PALLD: variants seen among roughly 807,000 people sequenced by gnomAD.
PALLD encodes palladin, cytoskeletal associated protein, also known as palladin.
In PALLD, 61 loss-of-function variants were observed where a neutral mutation model predicts 123.5. The ratio of observed to expected loss-of-function variants is 0.49; its 90% CI spans 0.40 to 0.61. The LOEUF is 0.61. Ranked by LOEUF, PALLD falls within the 20% of genes least tolerant of loss-of-function variation. The pLI is 0.00. For missense variants in PALLD, 1,273 were observed against 1,377.0 expected, an observed-to-expected ratio of 0.92 and a Z score of 1.20; for synonymous variants, 465 against 496.4, an observed-to-expected ratio of 0.94 and a Z score of 0.84.
In PALLD at chr4:168,878,361, A is replaced by G. The variant is rs751875878; in HGVS notation, c.1965-12561A>G. 1 of 1,518,182 alleles carries G rather than the reference A, an allele frequency of 6.6e-7. No homozygotes were observed. The highest frequency in any genetic ancestry group is 8.8e-7 in the Non-Finnish European group (1 of 1,139,660). 94.0% of individuals were successfully genotyped at this position (1,518,182 alleles called of 1,614,324 possible). ...TCGCAGCCGCCGCCGGCGGCCGTCA[A>G]CGCCCTGGGGCTGCCCAAGGGTGTC... is the stretch of plus-strand genomic sequence containing the variant. On this transcript the variant is annotated intron_variant, in intron 10 of 21. Transcript: ENST00000505667.
In PALLD at chr4:168,773,780, C is replaced by A. The variant is rs143593110; in HGVS notation, c.1964+61857C>A. Among the ~76,000 whole-genome samples the A allele has an allele frequency of 5.1e-3, 782 of 152,254 alleles. 8 individuals carry two copies. The highest frequency in any genetic ancestry group is 0.018 in the African/African-American group (743 of 41,516). On this transcript the variant is annotated intron_variant, in intron 10 of 21. Coordinates refer to ENST00000505667, the MANE Select transcript of PALLD (RefSeq NM_001166108.2). ...ATCTGCTGAGCCCCACCCGGCCTCCCCACCCACCTCGCCGCCTGTTCTCTC... is the reference window on the plus strand; with the variant it reads ...ATCTGCTGAGCCCCACCCGGCCTCCACACCCACCTCGCCGCCTGTTCTCTC...
At chr4:168,596,384 G>A (rs552745876) in intron 2 of PALLD, among the ~76,000 whole-genome samples, 4 of 152,256 alleles carry the variant, frequency 2.6e-5, no homozygotes, top group Admixed American at 2.6e-4. Flanking sequence ...GGGCCTTAAA[G>A]GACAGAAGTA....
chr4:168,604,782 C>T (rs1773005295), intron 2 of PALLD, among the ~76,000 whole-genome samples: 1 of 152,184 alleles, frequency 6.6e-6, no homozygotes, highest in South Asian at 2.1e-4. Flanking sequence ...CGACACAGAC[C>T]TAATGAGCTT....
intron 8 of PALLD, 34 bp from the exon 9 acceptor site, chr4:168,708,994 C>G (rs1228263900): frequency 2.7e-5 from 43 of 1,609,322 alleles, no homozygotes; most frequent in Non-Finnish European, 3.4e-5. Flanking sequence ...CATGGTTCAA[C>G]TCTGATGAAT....
intron 10 of PALLD, among the ~76,000 whole-genome samples, chr4:168,779,399 G>A (rs1033825625): frequency 2.6e-5 from 4 of 152,008 alleles, no homozygotes; most frequent in East Asian, 1.9e-4. Flanking sequence ...TAAGGATGCT[G>A]GGGAGAAAAC....
At chr4:168,669,673 T>G (rs1235754775) in intron 3 of PALLD, among the ~76,000 whole-genome samples, 1 of 152,168 alleles carries the variant, frequency 6.6e-6, no homozygotes, top group Non-Finnish European at 1.5e-5. Flanking sequence ...TTACTTTCAG[T>G]GAAAGGATCC....
At chr4:168,891,683 A>T (rs1581936227) in intron 11 of PALLD, among the ~76,000 whole-genome samples, 1 of 17,274 alleles carries the variant, frequency 5.8e-5, no homozygotes, top group Non-Finnish European at 2.7e-4. Flanking sequence ...CAATGGTATT[A>T]AAAAAAAAAA....
chr4:168,598,992 G>T (rs1772272204), intron 2 of PALLD, among the ~76,000 whole-genome samples: 1 of 152,040 alleles, frequency 6.6e-6, no homozygotes, highest in Non-Finnish European at 1.5e-5. Flanking sequence ...AACATCAAGG[G>T]TCTGTAATTC....
Position 168,567,639 on chromosome 4 carries a change from C to G in PALLD, c.908+55227C>G, listed in dbSNP as rs139523957. 2.7e-3 allele frequency among the ~76,000 whole-genome samples: 410 copies of G among 150,258 alleles called. 3 individuals are homozygous for G. The highest frequency in any genetic ancestry group is 4.9e-3 in the Non-Finnish European group (333 of 67,618). ...CACACATGTACACCATGGAATACTACTCAGCCATAAAAAAGAATGAAACTG... is the reference window on the plus strand; with the variant it reads ...CACACATGTACACCATGGAATACTAGTCAGCCATAAAAAAGAATGAAACTG... On this transcript the variant is annotated intron_variant, in intron 2 of 21. Coordinates refer to ENST00000505667, the MANE Select transcript of PALLD (RefSeq NM_001166108.2).
At chr4:168,681,659 T>G (rs1411157288) in intron 4 of PALLD, among the ~76,000 whole-genome samples, 1 of 150,712 alleles carries the variant, frequency 6.6e-6, no homozygotes, top group Non-Finnish European at 1.5e-5. Flanking sequence ...GTCCTCCTAC[T>G]TTAGCCTCCC....
At chr4:168,648,936 T>A (rs1777761260) in intron 2 of PALLD, 1 of 152,248 alleles carries the variant, frequency 6.6e-6, no homozygotes, top group South Asian at 2.1e-4. Flanking sequence ...AGTTTCCATT[T>A]TGTTTCATAA....
At chr4:168,542,261 C>T (rs1323782299) in intron 2 of PALLD, among the ~76,000 whole-genome samples, 1 of 151,956 alleles carries the variant, frequency 6.6e-6, no homozygotes, top group Non-Finnish European at 1.5e-5. Flanking sequence ...ACTAAAACCG[C>T]CACTCATGGC....
chr4:168,771,856 C>A (rs1734498712), intron 10 of PALLD, among the ~76,000 whole-genome samples: 1 of 152,164 alleles, frequency 6.6e-6, no homozygotes, highest in African/African-American at 2.4e-5. Context: ...CTAGGGAGGG[C>A]AGCAGCGGCA....
Position 168,926,567 on chromosome 4 carries a change from A to G in PALLD, c.*387A>G. ...CTTAGTTTAAGTAGATAATGCTAAT[A>G]CAAATATACACATTGCACAGAAAAT... On this transcript the variant is annotated 3_prime_UTR_variant, in exon 22 of 22. Transcript: ENST00000505667. 1.9e-6 allele frequency: 1 copy of G among 529,008 alleles called. No individual in the cohort carries two copies. Among genetic ancestry groups the G allele is most frequent in the Non-Finnish European group, 3.3e-6 (1 of 300,386 alleles). 32.8% of individuals were successfully genotyped at this position (529,008 alleles called of 1,614,324 possible). A position where few individuals can be genotyped will look rare whatever the true frequency, so the allele number is the denominator to read the frequency against.
intron 2 of PALLD, among the ~76,000 whole-genome samples, chr4:168,665,389 G>A (rs1222065767): frequency 6.6e-6 from 1 of 152,168 alleles, no homozygotes; most frequent in Non-Finnish European, 1.5e-5. Context: ...TTAATTTTCA[G>A]TGTCTCTGCT....
intron 10 of PALLD, among the ~76,000 whole-genome samples, chr4:168,873,262 T>G (rs1307154153): frequency 1.3e-5 from 2 of 152,192 alleles, no homozygotes; most frequent in East Asian, 3.8e-4. Context: ...AAAGTTACCC[T>G]CCTTACTTTT....
chr4:168,540,585 T>C (rs927191829), intron 2 of PALLD, among the ~76,000 whole-genome samples: 5 of 152,166 alleles, frequency 3.3e-5, no homozygotes, highest in African/African-American at 1.2e-4. Flanking sequence ...AGTTTGCGCA[T>C]TTTTTTAAAA....
intron 2 of PALLD, among the ~76,000 whole-genome samples, chr4:168,596,929 C>G (rs955134537): frequency 5.5e-5 from 7 of 127,578 alleles, no homozygotes; most frequent in Admixed American, 1.5e-4. Flanking sequence ...CAATATAGCA[C>G]TTTTACCCTT....
At chr4:168,614,192 T>G (rs1774000912) in intron 2 of PALLD, among the ~76,000 whole-genome samples, 1 of 152,216 alleles carries the variant, frequency 6.6e-6, no homozygotes, top group Admixed American at 6.5e-5. Context: ...TATTGAGCAC[T>G]CTACTGGTCT....
Sources: allele counts gnomAD v4.1 joint callset (sites outside exome capture counted in the v4.1 genomes callset), GRCh38; gene constraint gnomAD v4.1.1; transcripts MANE v1.5; gene names NCBI Gene and HGNC (gene_info 2026-07-23, HGNC 2026-07-21).